AUTS2: variants seen among roughly 807,000 people sequenced by gnomAD.
AUTS2 encodes the protein autism susceptibility gene 2 protein.
A neutral mutation model predicts 112.4 loss-of-function variants in AUTS2; 17 were observed. That is an observed-to-expected ratio of 0.15 (90% CI 0.10 to 0.23). The LOEUF (loss-of-function observed/expected upper bound fraction) is 0.23. AUTS2 is among the 10% of genes least tolerant of loss of function. AUTS2 has a pLI of 1.00. For missense variants in AUTS2, 1,510 were observed against 1,701.6 expected, an observed-to-expected ratio of 0.89 and a Z score of 1.98; for synonymous variants, 751 against 702.7, an observed-to-expected ratio of 1.07 and a Z score of -1.09.
chr7:69,688,821 GGAAATGATCTT>G (rs1797173858), intron 1 of AUTS2, among the ~76,000 whole-genome samples: 1 of 151,782 alleles, frequency 6.6e-6, no homozygotes, highest in African/African-American at 2.4e-5. Flanking sequence ...ATCCATCTAG[GGAAATGATCTT>G]GAAATTTTTA....
intron 5 of AUTS2, among the ~76,000 whole-genome samples, chr7:70,586,453 T>C (rs758342621): frequency 6.7e-6 from 1 of 148,882 alleles, no homozygotes; most frequent in Non-Finnish European, 1.5e-5. Flanking sequence ...TTCATTAAAG[T>C]AGGGGAGTGT....
At chr7:70,595,335 C>T (rs1803142822) in intron 5 of AUTS2, among the ~76,000 whole-genome samples, 1 of 152,156 alleles carries the variant, frequency 6.6e-6, no homozygotes, top group African/African-American at 2.4e-5. Flanking sequence ...ATGCCCACTC[C>T]GTTTCCTACT....
intron 1 of AUTS2, among the ~76,000 whole-genome samples, chr7:69,852,454 G>A (rs1792527489): frequency 6.6e-6 from 1 of 150,934 alleles, no homozygotes; most frequent in African/African-American, 2.4e-5. Flanking sequence ...TTTTTTTCGA[G>A]ACAGAATCTC....
Position 70,631,678 on chromosome 7 carries a change from C to T in AUTS2, c.691-66891C>T, listed in dbSNP as rs139450376. On this transcript the variant is annotated intron_variant, in intron 5 of 18. Coordinates refer to ENST00000342771, the MANE Select transcript of AUTS2 (RefSeq NM_015570.4). This position sits in a 1 kb window ranked among gnomAD's most constrained non-coding sequence, Gnocchi z 4.5. ...CGAAGAAATGGGTGTGCAGAGAATA[C>T]AGTCAGCACCATTTATAGCCCCATG... Among the ~76,000 whole-genome samples the T allele has an allele frequency of 2.2e-4, 33 of 152,166 alleles. No individual in the cohort carries two copies. Among genetic ancestry groups the T allele is most frequent in the Non-Finnish European group, 1.5e-5 (1 of 68,018 alleles).
chr7:70,241,252 A>T (rs1812597468), intron 4 of AUTS2, among the ~76,000 whole-genome samples: 1 of 152,224 alleles, frequency 6.6e-6, no homozygotes, highest in South Asian at 2.1e-4. Context: ...CCAGGCCACA[A>T]TAATAGGGTA....
At chr7:69,961,301 C>G (rs1168435197) in intron 2 of AUTS2, among the ~76,000 whole-genome samples, 2 of 152,120 alleles carry the variant, frequency 1.3e-5, no homozygotes, top group African/African-American at 2.4e-5. Context: ...ATAACTCCCT[C>G]TATCTCTGAT....
intron 2 of AUTS2, among the ~76,000 whole-genome samples, chr7:70,076,824 A>G (rs1197625078): frequency 2.6e-5 from 4 of 152,220 alleles, no homozygotes; most frequent in Non-Finnish European, 4.4e-5. Context: ...ACAAATACAA[A>G]TTGTGAAAAC....
chr7:70,340,809 C>G lies in AUTS2; in HGVS notation c.661-94943C>G, dbSNP rs1484237017. Among the ~76,000 whole-genome samples, 3 of 152,342 alleles carry G rather than the reference C, an allele frequency of 2.0e-5. No homozygotes were observed. The South Asian group carries it at 6.2e-4, about 32-fold the overall frequency. On this transcript the variant is annotated intron_variant, in intron 4 of 18. Coordinates refer to ENST00000342771, the MANE Select transcript of AUTS2 (RefSeq NM_015570.4). Reference sequence around the variant, plus strand: ...ATTCTGCTAATTTCACACATCATTTCGCAGCATGCAGGATTTTGGCGCCTG... The same window carrying G: ...ATTCTGCTAATTTCACACATCATTTGGCAGCATGCAGGATTTTGGCGCCTG...
At chr7:69,990,398 C>T (rs1441318321) in intron 2 of AUTS2, among the ~76,000 whole-genome samples, 1 of 152,112 alleles carries the variant, frequency 6.6e-6, no homozygotes, top group Non-Finnish European at 1.5e-5. Context: ...ATATCTAGTT[C>T]ATTTTCATGT....
At chr7:69,674,183 G>A (rs1168863224) in intron 1 of AUTS2, among the ~76,000 whole-genome samples, 2 of 152,170 alleles carry the variant, frequency 1.3e-5, no homozygotes, top group Non-Finnish European at 2.9e-5. Flanking sequence ...CACTGATTCT[G>A]TACTTGTTGT....
intron 1 of AUTS2, among the ~76,000 whole-genome samples, chr7:69,741,280 A>AC (rs1787252408): frequency 6.6e-6 from 1 of 152,168 alleles, no homozygotes; most frequent in Non-Finnish European, 1.5e-5. Flanking sequence ...GAATCTGGGC[A>AC]CCACCATTTT....
intron 4 of AUTS2, among the ~76,000 whole-genome samples, chr7:70,313,366 C>T (rs1326403193): frequency 6.6e-6 from 1 of 152,154 alleles, no homozygotes; most frequent in Non-Finnish European, 1.5e-5. Flanking sequence ...TATTATTTAG[C>T]TAAAGACAAT....
At chr7:69,816,200 C>G (rs1790754432) in intron 1 of AUTS2, among the ~76,000 whole-genome samples, 1 of 152,220 alleles carries the variant, frequency 6.6e-6, no homozygotes, top group Non-Finnish European at 1.5e-5. Flanking sequence ...CTTCTTGGAT[C>G]TAAACCTTTC....
Position 70,766,356 on chromosome 7 carries a change from G to T in AUTS2, c.1689+22G>T. 6.2e-7 allele frequency: 1 copy of T among 1,613,206 alleles called. No individual in the cohort carries two copies. The highest frequency in any genetic ancestry group is 8.5e-7 in the Non-Finnish European group (1 of 1,179,608). On this transcript the variant is annotated intron_variant, in intron 9 of 18. Transcript: ENST00000342771. The surrounding 1 kb of genome is among the most constrained non-coding windows in gnomAD (Gnocchi z 4.8). ...CATGGTGCGTACCCCAGGCAGAAAT[G>T]TGAGGATAAGTAGAGCACGACTCTT...
intron 5 of AUTS2, among the ~76,000 whole-genome samples, chr7:70,477,668 G>T (rs1008985642): frequency 6.6e-6 from 1 of 152,144 alleles, no homozygotes; most frequent in African/African-American, 2.4e-5. Flanking sequence ...CCTATTTATA[G>T]GTTTGTGCAA....
chr7:69,953,151 C>T (rs1006473521), intron 2 of AUTS2, among the ~76,000 whole-genome samples: 2 of 152,086 alleles, frequency 1.3e-5, no homozygotes, highest in Non-Finnish European at 2.9e-5. Context: ...GAGATCTTGT[C>T]CTAAAAGGAT....
rs149526810 is a variant in AUTS2 at position 70,558,595 on chromosome 7, T to C, written c.690+122814T>C. ...GAAGCAGGGGAGATTGCTCTTGATA[T>C]AGTTAAGTGTTTTACTTAAAGGTGT... On this transcript the variant is annotated intron_variant, in intron 5 of 18. Coordinates refer to ENST00000342771, the MANE Select transcript of AUTS2 (RefSeq NM_015570.4). Among the ~76,000 whole-genome samples the C allele has an allele frequency of 1.1e-3, 170 of 152,330 alleles. 1 individual carries two copies. The East Asian group carries it at 0.011, about 10-fold the overall frequency.
At position 70,781,630 on chromosome 7, in the gene AUTS2, G is replaced by A. The variant is rs1481237630; in HGVS notation, c.2020G>A (p.Asp674Asn). 1 of 1,614,138 alleles carries A rather than the reference G, an allele frequency of 6.2e-7. No individual in the cohort carries two copies. Among genetic ancestry groups the A allele is most frequent in the Admixed American group, 1.7e-5 (1 of 60,020 alleles). Reference protein sequence around the residue: ...QQKVKKQMQSDPHKLDFGLKP... With the variant: ...QQKVKKQMQSNPHKLDFGLKP... ...TGCTGTGTAGAAACAGATGCAGTCAGACCCACATAAGCTGGACTTTGGACT... is the reference window on the plus strand; with the variant it reads ...TGCTGTGTAGAAACAGATGCAGTCAAACCCACATAAGCTGGACTTTGGACT... Residue 674 changes from aspartate to asparagine, a missense_variant, in exon 15 of 19, where the codon GAC (aspartate) becomes AAC (asparagine). Asp to Asn is a conservative substitution (Grantham distance 23). Transcript: ENST00000342771.
intron 2 of AUTS2, among the ~76,000 whole-genome samples, chr7:70,019,083 A>C (rs1045799426): frequency 1.3e-5 from 2 of 152,204 alleles, no homozygotes; most frequent in African/African-American, 4.8e-5. Flanking sequence ...CTGCAGCCAC[A>C]AAAAAGAATG....
Sources: gnomAD v4.1 joint callset for allele counts (sites outside exome capture counted in the v4.1 genomes callset) on GRCh38, gnomAD v4.1.1 for gene constraint, Gnocchi (gnomAD v3.1) non-coding constraint, MANE v1.5 for transcripts, NCBI Gene and HGNC (gene_info 2026-07-23, HGNC 2026-07-21) for gene names.